Variants in ARHGAP24 observed in about 807,000 individuals in gnomAD.
ARHGAP24 encodes rho GTPase-activating protein 24.
In ARHGAP24, 50 loss-of-function variants were observed where a neutral mutation model predicts 76.4. That is an observed-to-expected ratio of 0.65 (90% CI 0.52 to 0.83). The LOEUF is 0.83. ARHGAP24 is among the 40% of genes least tolerant of loss of function. The pLI, the probability that ARHGAP24 is intolerant of heterozygous loss-of-function variation, is 0.00. For missense variants in ARHGAP24, 930 were observed against 914.2 expected (o/e 1.02, Z -0.22); for synonymous variants, 345 against 323.3 (o/e 1.07, Z -0.72).
chr4:85,530,931 A>T (rs1420276168), intron 1 of ARHGAP24, among the ~76,000 whole-genome samples: 2 of 152,102 alleles, frequency 1.3e-5, no homozygotes, highest in African/African-American at 4.8e-5. Context: ...TGTTTTCCAT[A>T]ATCAAGGGAC....
chr4:85,995,321 C>T lies in ARHGAP24; in HGVS notation c.1667C>T (p.Ser556Phe), dbSNP rs1282354861. The T allele has an allele frequency of 1.2e-6, 2 of 1,614,070 alleles. No individual in the cohort carries two copies. The change falls in exon 9 of 10, where the codon TCC (serine) becomes TTC (phenylalanine). Residue 556 changes from serine (S) to phenylalanine (F), a missense_variant. Coordinates refer to ENST00000395184, the MANE Select transcript of ARHGAP24 (RefSeq NM_001025616.3). ...CAGAGCATTGACAGTGCTACCTGGT[C>T]CACTTCCTCCTGTGAAATCTCCCTC... ...DKQSIDSATW[S>F]TSSCEISLPE...
chr4:85,737,866 C>T (rs1326483887), intron 3 of ARHGAP24, among the ~76,000 whole-genome samples: 1 of 152,178 alleles, frequency 6.6e-6, no homozygotes, highest in Non-Finnish European at 1.5e-5. Context: ...TCTTTCCACT[C>T]TTCCATATTC....
At chr4:85,716,711 T>TA (rs924492568) in intron 2 of ARHGAP24, among the ~76,000 whole-genome samples, 11 of 150,516 alleles carry the variant, frequency 7.3e-5, no homozygotes, top group Admixed American at 3.3e-4. Context: ...AGTGTGTGAT[T>TA]AAAAAAAAAA....
At chr4:85,940,505 C>T (rs1345882596) in intron 4 of ARHGAP24, among the ~76,000 whole-genome samples, 2 of 152,040 alleles carry the variant, frequency 1.3e-5, no homozygotes, top group African/African-American at 4.8e-5. Flanking sequence ...TGCCACATGA[C>T]CACCCCACTG....
At chr4:85,974,989 A>AACAAG (rs777176471) in intron 7 of ARHGAP24, 28 bp downstream of exon 7, 9 of 1,591,666 alleles carry the variant, frequency 5.7e-6, no homozygotes, top group African/African-American at 5.4e-5. Flanking sequence ...GACAAACGTA[A>AACAAG]ACAAGACAAG....
At chr4:85,511,571 T>G (rs1348300895) in intron 1 of ARHGAP24, among the ~76,000 whole-genome samples, 3 of 152,286 alleles carry the variant, frequency 2.0e-5, no homozygotes, top group African/African-American at 7.2e-5. Flanking sequence ...CAAACAATTT[T>G]CCTGCCTCAG....
intron 1 of ARHGAP24, among the ~76,000 whole-genome samples, chr4:85,483,618 T>C (rs113886741): frequency 0.029 from 4,471 of 151,808 alleles, 235 homozygotes; most frequent in African/African-American, 0.1. Context: ...ATCTCAAAAA[T>C]AAATAAATAA....
chr4:85,715,791 A>G, intron 2 of ARHGAP24, among the ~76,000 whole-genome samples: 1 of 152,040 alleles, frequency 6.6e-6, no homozygotes, highest in Admixed American at 6.6e-5. Context: ...TTTTGGATAT[A>G]GGAATGCAAA....
At chr4:85,895,163 C>G (rs1734106684) in intron 3 of ARHGAP24, among the ~76,000 whole-genome samples, 1 of 151,846 alleles carries the variant, frequency 6.6e-6, no homozygotes, top group Admixed American at 6.6e-5. Flanking sequence ...AAGAACTTAT[C>G]CATGTAACCA....
chr4:85,853,759 T>A (rs1450207983), intron 3 of ARHGAP24, among the ~76,000 whole-genome samples: 1 of 152,018 alleles, frequency 6.6e-6, no homozygotes, highest in African/African-American at 2.4e-5. Flanking sequence ...ATCAAGACCA[T>A]CCTGGCCAAC....
intron 2 of ARHGAP24, among the ~76,000 whole-genome samples, chr4:85,586,637 C>T (rs940158726): frequency 3.3e-5 from 5 of 152,172 alleles, no homozygotes; most frequent in African/African-American, 1.2e-4. Flanking sequence ...TGGTGGCTCA[C>T]ACCTGTAATC....
chr4:85,635,798 C>T (rs894492610), intron 2 of ARHGAP24, among the ~76,000 whole-genome samples: 4 of 151,794 alleles, frequency 2.6e-5, no homozygotes, highest in Admixed American at 6.6e-5. Flanking sequence ...ATAATATAGC[C>T]GTTTAAGACA....
At chr4:85,943,822 G>C (rs186124030) in intron 5 of ARHGAP24, among the ~76,000 whole-genome samples, 1 of 151,698 alleles carries the variant, frequency 6.6e-6, no homozygotes, top group African/African-American at 2.4e-5. Context: ...GTATTCCATG[G>C]TGTATATGTG....
At chr4:85,767,615 C>A (rs1726978214) in intron 3 of ARHGAP24, among the ~76,000 whole-genome samples, 1 of 151,366 alleles carries the variant, frequency 6.6e-6, no homozygotes. Context: ...AAAATGATAC[C>A]TGTTCTTTGG....
intron 2 of ARHGAP24, among the ~76,000 whole-genome samples, chr4:85,626,093 G>A (rs1441710589): frequency 6.6e-6 from 1 of 152,208 alleles, no homozygotes; most frequent in Non-Finnish European, 1.5e-5. Context: ...ATTGTGATGT[G>A]TGAATTTGAT....
intron 3 of ARHGAP24, among the ~76,000 whole-genome samples, chr4:85,839,482 C>T (rs556738805): frequency 1.1e-4 from 17 of 152,192 alleles, no homozygotes; most frequent in Middle Eastern, 3.4e-3. Context: ...GATAGAGTCT[C>T]GCTCTGTTGC....
At chr4:85,551,482 A>G (rs1726137120) in intron 1 of ARHGAP24, among the ~76,000 whole-genome samples, 1 of 152,072 alleles carries the variant, frequency 6.6e-6, no homozygotes. Flanking sequence ...TATCGGCCTG[A>G]CATTTTCTTT....
rs773384273 is a variant in ARHGAP24 at position 85,501,413 on chromosome 4, C to T, written c.-21+25854C>T. Among the ~76,000 whole-genome samples the T allele has an allele frequency of 7.2e-5, 11 of 152,216 alleles. 1 individual carries two copies. The Middle Eastern group carries it at 0.014, about 188-fold the overall frequency. On this transcript the variant is annotated intron_variant, in intron 1 of 9. Coordinates refer to ENST00000395184, the MANE Select transcript of ARHGAP24 (RefSeq NM_001025616.3). ...TGTTTCCTGACTTTTTGATGATGGC[C>T]ATTCTAACTGGCTTGAGATGGTATC... is the stretch of plus-strand genomic sequence containing the variant.
chr4:85,724,540 T>C (rs1725094965), intron 3 of ARHGAP24, among the ~76,000 whole-genome samples: 1 of 149,930 alleles, frequency 6.7e-6, no homozygotes, highest in Non-Finnish European at 1.5e-5. Flanking sequence ...GGAATTTTTA[T>C]TTTGTTTTAT....
Sources: allele counts gnomAD v4.1 joint callset (sites outside exome capture counted in the v4.1 genomes callset), GRCh38; gene constraint gnomAD v4.1.1; transcripts MANE v1.5; gene names NCBI Gene and HGNC (gene_info 2026-07-23, HGNC 2026-07-21).